Variants in HDAC9 observed in about 807,000 individuals in gnomAD.
HDAC9 encodes MEF-2 interacting transcription repressor (MITR) protein.
A neutral mutation model predicts 139.4 loss-of-function variants in HDAC9; 41 were observed. The ratio of observed to expected loss-of-function variants is 0.29; its 90% CI spans 0.23 to 0.38. The LOEUF is 0.38. HDAC9 is among the 10% of genes least tolerant of loss of function. The pLI is 1.00. For missense variants in HDAC9, 1,147 were observed against 1,297.0 expected (o/e 0.88, Z 1.78); for synonymous variants, 517 against 476.2 (o/e 1.09, Z -1.12).
intron 21 of HDAC9, among the ~76,000 whole-genome samples, chr7:18,862,981 A>T (rs1798226855): frequency 6.6e-6 from 1 of 152,214 alleles, no homozygotes. Flanking sequence ...CTAGATTAAA[A>T]ATGAATTAAA....
intron 24 of HDAC9, among the ~76,000 whole-genome samples, chr7:18,970,406 G>T (rs956166215): frequency 6.6e-6 from 1 of 152,046 alleles, no homozygotes; most frequent in African/African-American, 2.4e-5. Flanking sequence ...AATAAATTTT[G>T]AATAGGACTA....
chr7:18,386,573 T>A (rs553980996), intron 1 of HDAC9, among the ~76,000 whole-genome samples: 1 of 152,250 alleles, frequency 6.6e-6, no homozygotes, highest in East Asian at 1.9e-4. Context: ...ACCTTCCCAC[T>A]TACCAGTGGA....
At chr7:18,895,724 C>T (rs1249115397) in intron 22 of HDAC9, among the ~76,000 whole-genome samples, 12 of 152,190 alleles carry the variant, frequency 7.9e-5, no homozygotes, top group Admixed American at 4.6e-4. Flanking sequence ...CCCTTAGCAT[C>T]GAACAGCTCT....
At chr7:18,685,124 A>G (rs772875167) in intron 12 of HDAC9, among the ~76,000 whole-genome samples, 13 of 152,048 alleles carry the variant, frequency 8.5e-5, no homozygotes, top group Non-Finnish European at 1.8e-4. Flanking sequence ...CACAACCTCT[A>G]GAAAGGTTAG....
chr7:18,897,663 T>G (rs899701223), intron 22 of HDAC9, among the ~76,000 whole-genome samples: 5 of 151,880 alleles, frequency 3.3e-5, no homozygotes, highest in African/African-American at 1.2e-4. Context: ...TGGGCTATAA[T>G]TCTCTACATA....
chr7:18,895,527 A>G (rs1483314212), intron 22 of HDAC9, among the ~76,000 whole-genome samples: 1 of 152,106 alleles, frequency 6.6e-6, no homozygotes, highest in African/African-American at 2.4e-5. Context: ...GCATGATTAC[A>G]AAAGTGAGTC....
intron 14 of HDAC9, among the ~76,000 whole-genome samples, chr7:18,754,563 G>A (rs1270173832): frequency 3.9e-5 from 6 of 152,024 alleles, no homozygotes; most frequent in Non-Finnish European, 5.9e-5. Flanking sequence ...TTGCCTTTTT[G>A]TGACTAATAT....
intron 10 of HDAC9, 24 bp from the exon 11 acceptor site, chr7:18,648,442 A>G (rs745921264): frequency 8.2e-5 from 126 of 1,533,112 alleles, no homozygotes; most frequent in Non-Finnish European, 1.1e-4. Context: ...GTATACACAC[A>G]TATACATGTA....
chr7:18,724,994 G>A (rs1187922638), intron 12 of HDAC9, among the ~76,000 whole-genome samples: 2 of 152,130 alleles, frequency 1.3e-5, no homozygotes, highest in Non-Finnish European at 2.9e-5. Flanking sequence ...GTGGACCTTA[G>A]AGGATGTGTG....
intron 2 of HDAC9, among the ~76,000 whole-genome samples, chr7:18,258,951 C>CTTTTTTTT (rs199607615): frequency 2.0e-5 from 2 of 98,326 alleles, no homozygotes; most frequent in Non-Finnish European, 4.3e-5. Flanking sequence ...TCTTCTTCTC[C>CTTTTTTTT]TTTTTTTTTT....
upstream of HDAC9, chr7:18,290,242 A>T (rs189723527): frequency 1.9e-5 from 6 of 314,054 alleles, no homozygotes; most frequent in African/African-American, 1.1e-4. Context: ...ATGCCTGCAT[A>T]CCAGCTATAG....
At chr7:18,809,359 C>T (rs1793989223) in intron 17 of HDAC9, among the ~76,000 whole-genome samples, 1 of 151,798 alleles carries the variant, frequency 6.6e-6, no homozygotes, top group Non-Finnish European at 1.5e-5. Context: ...ACTAAAAAGC[C>T]TCTGCATAGC....
intron 17 of HDAC9, among the ~76,000 whole-genome samples, chr7:18,805,313 G>A (rs1585068129): frequency 6.6e-6 from 1 of 152,188 alleles, no homozygotes. Context: ...TGTTACCAGA[G>A]TGGGGTAGGA....
Position 18,343,470 on chromosome 7 carries a change from T to G in HDAC9, c.-42+52955T>G, listed in dbSNP as rs1404358734. 4.0e-5 allele frequency among the ~76,000 whole-genome samples: 6 copies of G among 151,860 alleles called. No individual in the cohort carries two copies. The Admixed American group carries it at 4.0e-4, about 10-fold the overall frequency. On this transcript the variant is annotated intron_variant, in intron 1 of 3. Transcript: ENST00000413509. ...TTTCAAATCATCATAGAATTCAGAT[T>G]ATCTACAGAAAATGTTGCCTAGTGT...
chr7:18,344,379 A>G (rs548483509), intron 1 of HDAC9, among the ~76,000 whole-genome samples: 7 of 151,904 alleles, frequency 4.6e-5, no homozygotes, highest in Non-Finnish European at 1.0e-4. Context: ...CATTTCACAG[A>G]TAAGGAAACT....
intron 22 of HDAC9, among the ~76,000 whole-genome samples, chr7:18,932,865 A>AAAGAAAGAAAGAAAGAAAGC (rs1804895989): frequency 6.9e-6 from 1 of 145,378 alleles, no homozygotes. Flanking sequence ...AGAAAGAAAG[A>AAAGAAAGAAAGAAAGAAAGC]AAGAAAGAAA....
intron 12 of HDAC9, among the ~76,000 whole-genome samples, chr7:18,677,621 G>A (rs536947172): frequency 2.6e-5 from 4 of 151,902 alleles, no homozygotes; most frequent in South Asian, 2.1e-4. Context: ...ATTACTCTGC[G>A]TTCTTGTTTA....
intron 2 of HDAC9, among the ~76,000 whole-genome samples, chr7:18,264,420 C>T (rs1395979953): frequency 1.3e-5 from 2 of 151,904 alleles, no homozygotes; most frequent in African/African-American, 2.4e-5. Context: ...CCCAAATAAC[C>T]AATAGGTCAA....
At chr7:18,401,565 A>G (rs1466911486) in intron 1 of HDAC9, among the ~76,000 whole-genome samples, 1 of 152,204 alleles carries the variant, frequency 6.6e-6, no homozygotes, top group Non-Finnish European at 1.5e-5. Context: ...ATGATGGAGA[A>G]TAACCTCAAT....
Sources: gnomAD v4.1 joint callset for allele counts (sites outside exome capture counted in the v4.1 genomes callset) on GRCh38, gnomAD v4.1.1 for gene constraint, MANE v1.5 for transcripts, NCBI Gene and HGNC (gene_info 2026-07-23, HGNC 2026-07-21) for gene names.